UQCC1: variants seen among roughly 807,000 people sequenced by gnomAD.
UQCC1 encodes the protein ubiquinol-cytochrome c reductase complex assembly factor 1, also known as bFGF-repressed Zic-binding protein.
UQCC1 carries 38 observed loss-of-function variants against 48.0 expected under a neutral mutation model. The observed-to-expected ratio is 0.79, with a 90% CI of 0.61 to 1.04. UQCC1 has a LOEUF of 1.04. UQCC1 is among the 50% of genes least tolerant of loss of function. The pLI, the probability that UQCC1 is intolerant of heterozygous loss-of-function variation, is 0.00. For synonymous variants in UQCC1, 111 were observed against 129.2 expected (o/e 0.86, Z 0.95); for missense variants, 368 against 381.8 (o/e 0.96, Z 0.30).
At chr20:35,325,448 C>G (rs757833692) in intron 7 of UQCC1, among the ~76,000 whole-genome samples, 4 of 152,230 alleles carry the variant, frequency 2.6e-5, no homozygotes, top group Non-Finnish European at 4.4e-5. Flanking sequence ...ATTAAAGCCT[C>G]TCTTAGGACA....
At chr20:35,375,731 G>C (rs868225453) in intron 4 of UQCC1, among the ~76,000 whole-genome samples, 1 of 150,798 alleles carries the variant, frequency 6.6e-6, no homozygotes, top group Non-Finnish European at 1.5e-5. Context: ...CAGGCAGATC[G>C]GCTGAGCCCA....
At chr20:35,401,836 T>G (rs941604153) in intron 1 of UQCC1, among the ~76,000 whole-genome samples, 1 of 151,866 alleles carries the variant, frequency 6.6e-6, no homozygotes, top group Non-Finnish European at 1.5e-5. Flanking sequence ...TAATTTTGTA[T>G]TTTTAGTAGA....
chr20:35,387,228 G>A (rs926786702), intron 2 of UQCC1, among the ~76,000 whole-genome samples: 1 of 152,140 alleles, frequency 6.6e-6, no homozygotes, highest in African/African-American at 2.4e-5. Context: ...GGAGGTTACA[G>A]TGAGCCAAGA....
Position 35,305,207 on chromosome 20 carries a change from A to T in UQCC1, c.766-1138T>A, listed in dbSNP as rs148156136. 2.1e-3 allele frequency among the ~76,000 whole-genome samples: 319 copies of T among 152,250 alleles called. 1 individual carries two copies. The highest frequency in any genetic ancestry group is 3.4e-3 in the Middle Eastern group (1 of 294). On this transcript the variant is annotated intron_variant, in intron 9 of 9. Coordinates refer to ENST00000374385, the MANE Select transcript of UQCC1 (RefSeq NM_018244.5). ...TCGAGGGCAGGACTGGGTCTTATTA[A>T]TCGTTGCTTTCCCAAGAGTACATGG... is the stretch of plus-strand genomic sequence containing the variant.
chr20:35,310,519 G>GC (rs1354196343), intron 8 of UQCC1, among the ~76,000 whole-genome samples: 1 of 151,284 alleles, frequency 6.6e-6, no homozygotes, highest in African/African-American at 2.4e-5. Flanking sequence ...GGTGGCGCCT[G>GC]CCTCTAGTCC....
At chr20:35,389,380 C>A (rs537586286) in intron 2 of UQCC1, among the ~76,000 whole-genome samples, 2 of 151,874 alleles carry the variant, frequency 1.3e-5, no homozygotes, top group East Asian at 3.9e-4. Flanking sequence ...CTGGCCAACA[C>A]GGTGAAACCC....
At chr20:35,342,303 C>T (rs1016953815) in intron 7 of UQCC1, among the ~76,000 whole-genome samples, 1 of 152,232 alleles carries the variant, frequency 6.6e-6, no homozygotes, top group Non-Finnish European at 1.5e-5. Context: ...AGATGTCTGG[C>T]AGGGCAGAAC....
At chr20:35,319,847 C>A (rs1006604428) in intron 7 of UQCC1, among the ~76,000 whole-genome samples, 1 of 152,186 alleles carries the variant, frequency 6.6e-6, no homozygotes, top group Non-Finnish European at 1.5e-5. Context: ...TCTCTTTCCC[C>A]TTTTCACTGT....
intron 1 of UQCC1, among the ~76,000 whole-genome samples, chr20:35,395,511 T>TAA (rs994330786): frequency 6.7e-6 from 1 of 149,574 alleles, no homozygotes; most frequent in African/African-American, 2.5e-5. Context: ...TATAAATAAA[T>TAA]AAAAAAAAAA....
intron 2 of UQCC1, among the ~76,000 whole-genome samples, chr20:35,388,131 C>T (rs1331763061): frequency 6.6e-6 from 1 of 151,432 alleles, no homozygotes; most frequent in African/African-American, 2.4e-5. Context: ...CAGACGTGTG[C>T]CACCACGCCA....
chr20:35,411,820 T>A, intron 1 of UQCC1, 120 bp downstream of exon 1: 2 of 1,389,292 alleles, frequency 1.4e-6, no homozygotes, highest in Non-Finnish European at 2.0e-6. Flanking sequence ...AAGCGGCCAC[T>A]CAGCCTAGCT....
intron 7 of UQCC1, among the ~76,000 whole-genome samples, chr20:35,343,016 A>G (rs1169740055): frequency 6.6e-6 from 1 of 152,158 alleles, no homozygotes; most frequent in Non-Finnish European, 1.5e-5. Context: ...TTTTGATGCA[A>G]ATTTATTATT....
intron 1 of UQCC1, among the ~76,000 whole-genome samples, chr20:35,396,071 A>C (rs551225576): frequency 1.3e-4 from 17 of 127,674 alleles, no homozygotes; most frequent in Admixed American, 6.2e-4. Context: ...TGCAATTTCC[A>C]CCTCCTGGGT....
At chr20:35,382,158 G>A (rs141690322) in intron 3 of UQCC1, 133 bp from the exon 4 acceptor site, 263 of 559,366 alleles carry the variant, frequency 4.7e-4, no homozygotes, top group African/African-American at 4.5e-3. Flanking sequence ...CCAGGCTAAA[G>A]TGAAGTGGCA....
At position 35,394,106 on chromosome 20, in the gene UQCC1, A is replaced by G; in HGVS notation, c.115T>C (p.Ser39Pro). 6.2e-7 allele frequency: 1 copy of G among 1,614,022 alleles called. No homozygotes were observed. The highest frequency in any genetic ancestry group is 1.1e-5 in the South Asian group (1 of 91,070). Residue 39 changes from serine (S) to proline (P), a missense_variant, in exon 2 of 10, where the codon TCT becomes CCT. Physicochemically the swap from Ser to Pro is moderately conservative, Grantham distance 74. Transcript: ENST00000374385. ...PTQGQGDRAL[S>P]RTSQWPQMSQ... is the part of the protein sequence containing the mutation. ...ACAAATCTTACCTGGGAAGTGCGAGACAGAGCCCTGTCCCCCTGTCCTTGG... is the reference window on the plus strand; with the variant it reads ...ACAAATCTTACCTGGGAAGTGCGAGGCAGAGCCCTGTCCCCCTGTCCTTGG...
chr20:35,303,920 G>A lies in UQCC1; in HGVS notation c.*15C>T, dbSNP rs893204030. 7 of 1,614,022 alleles carry A rather than the reference G, an allele frequency of 4.3e-6. No individual in the cohort carries two copies. The African/African-American group carries it at 8.0e-5, about 18-fold the overall frequency. On this transcript the variant is annotated 3_prime_UTR_variant, in exon 10 of 10. Transcript: ENST00000374385. Reference sequence around the variant, plus strand: ...CTCGAAGCCAGCTGGCGGGCCGTGCGGAGGGCCCAGCCCATCAAAGTCCCT... The same window carrying A: ...CTCGAAGCCAGCTGGCGGGCCGTGCAGAGGGCCCAGCCCATCAAAGTCCCT...
chr20:35,333,789 C>T (rs537896643), intron 7 of UQCC1, among the ~76,000 whole-genome samples: 1 of 151,670 alleles, frequency 6.6e-6, no homozygotes, highest in African/African-American at 2.4e-5. Context: ...CAATGCCAGA[C>T]TGTGAAAACT....
At chr20:35,394,299 T>G in intron 1 of UQCC1, 103 bp from the exon 2 acceptor site, 1 of 1,071,496 alleles carries the variant, frequency 9.3e-7, no homozygotes, top group African/African-American at 1.6e-5. Flanking sequence ...GAAATATATA[T>G]TTGGCCTTCA....
intron 4 of UQCC1, among the ~76,000 whole-genome samples, chr20:35,375,390 T>C (rs948813869): frequency 3.9e-5 from 6 of 152,154 alleles, no homozygotes; most frequent in Non-Finnish European, 5.9e-5. Context: ...AATTAAGATA[T>C]TTTATTTGCT....
Sources: gnomAD v4.1 joint callset for allele counts (sites outside exome capture counted in the v4.1 genomes callset) on GRCh38, gnomAD v4.1.1 for gene constraint, MANE v1.5 for transcripts, NCBI Gene and HGNC (gene_info 2026-07-23, HGNC 2026-07-21) for gene names.